DPYD: variants seen among roughly 807,000 people sequenced by gnomAD.
DPYD encodes dihydropyrimidine dehydrogenase.
In DPYD, 109 loss-of-function variants were observed where a neutral mutation model predicts 116.2. That is an observed-to-expected ratio of 0.94 (90% CI 0.80 to 1.10). The LOEUF is 1.10. Ranked by LOEUF, DPYD falls within the 50% of genes least tolerant of loss-of-function variation. DPYD has a pLI of 0.00. For missense variants in DPYD, 1,302 were observed against 1,254.5 expected (o/e 1.04, Z -0.57); for synonymous variants, 440 against 432.0 (o/e 1.02, Z -0.23).
At chr1:97,712,895 G>A (rs71657274) in intron 5 of DPYD, among the ~76,000 whole-genome samples, 1 of 152,014 alleles carries the variant, frequency 6.6e-6, no homozygotes, top group Non-Finnish European at 1.5e-5. Context: ...CTATGAGGTG[G>A]AGCTGAGTCC....
intron 3 of DPYD, among the ~76,000 whole-genome samples, chr1:97,807,845 AT>A (rs1000483131): frequency 8.5e-4 from 129 of 151,276 alleles, no homozygotes; most frequent in African/African-American, 2.8e-3. Context: ...GTGTGTCTAG[AT>A]TTTTTTTTAG....
chr1:97,428,226 G>A (rs761149736), intron 14 of DPYD, among the ~76,000 whole-genome samples: 1 of 152,062 alleles, frequency 6.6e-6, no homozygotes, highest in Non-Finnish European at 1.5e-5. Context: ...TGGTGACACA[G>A]CCATGAAAGG....
chr1:97,754,290 T>G (rs2101108691), intron 3 of DPYD, among the ~76,000 whole-genome samples: 1 of 152,262 alleles, frequency 6.6e-6, no homozygotes, highest in South Asian at 2.1e-4. Context: ...GGACACAATA[T>G]TCAGAAATAA....
intron 20 of DPYD, among the ~76,000 whole-genome samples, chr1:97,104,610 A>G (rs776284998): frequency 1.0e-3 from 155 of 152,200 alleles, no homozygotes; most frequent in Non-Finnish European, 2.1e-3. Flanking sequence ...ACTCTGAAGG[A>G]TAAGGTGAAG....
chr1:97,158,862 A>T (rs1655681273), intron 20 of DPYD, among the ~76,000 whole-genome samples: 1 of 152,142 alleles, frequency 6.6e-6, no homozygotes, highest in Non-Finnish European at 1.5e-5. Context: ...CTAAGATTGA[A>T]ATAACTGTAC....
intron 19 of DPYD, among the ~76,000 whole-genome samples, chr1:97,226,575 T>A (rs954395651): frequency 2.0e-5 from 3 of 152,118 alleles, no homozygotes; most frequent in Admixed American, 1.3e-4. Flanking sequence ...GATGTTTCTA[T>A]AAATTAACAA....
At chr1:97,465,871 C>CAAAATA (rs1677294435) in intron 13 of DPYD, among the ~76,000 whole-genome samples, 1 of 152,086 alleles carries the variant, frequency 6.6e-6, no homozygotes, top group Non-Finnish European at 1.5e-5. Flanking sequence ...TTAACCTCAC[C>CAAAATA]AAAATAAACT....
At chr1:97,899,334 A>G (rs540826040) in intron 1 of DPYD, among the ~76,000 whole-genome samples, 1 of 151,860 alleles carries the variant, frequency 6.6e-6, no homozygotes, top group Non-Finnish European at 1.5e-5. Context: ...GTTGTCACAC[A>G]TCATTTGCTG....
At chr1:97,677,834 A>T (rs1182766761) in intron 8 of DPYD, among the ~76,000 whole-genome samples, 7 of 152,200 alleles carry the variant, frequency 4.6e-5, no homozygotes, top group Non-Finnish European at 8.8e-5. Flanking sequence ...TTAGTAGACA[A>T]AGAAGCATTA....
At chr1:97,759,560 C>G (rs1665459431) in intron 3 of DPYD, among the ~76,000 whole-genome samples, 1 of 152,116 alleles carries the variant, frequency 6.6e-6, no homozygotes. Flanking sequence ...TCTTAGAAGA[C>G]AAGCAAATTT....
intron 18 of DPYD, among the ~76,000 whole-genome samples, chr1:97,238,401 T>C (rs974202528): frequency 5.3e-5 from 8 of 152,166 alleles, no homozygotes; most frequent in African/African-American, 1.9e-4. Context: ...TTATGGGGAA[T>C]AGTTCTTAAG....
At chr1:97,313,417 G>T (rs1441223549) in intron 16 of DPYD, among the ~76,000 whole-genome samples, 1 of 151,756 alleles carries the variant, frequency 6.6e-6, no homozygotes, top group Admixed American at 6.6e-5. Flanking sequence ...CAATCTAGGG[G>T]AGACAAATGC....
At chr1:97,687,633 C>T in intron 7 of DPYD, among the ~76,000 whole-genome samples, 1 of 152,054 alleles carries the variant, frequency 6.6e-6, no homozygotes, top group East Asian at 1.9e-4. Flanking sequence ...TGGGTATATG[C>T]CCAAAGGAAT....
intron 19 of DPYD, among the ~76,000 whole-genome samples, chr1:97,198,167 T>G (rs1190763982): frequency 6.6e-6 from 1 of 152,112 alleles, no homozygotes; most frequent in Non-Finnish European, 1.5e-5. Context: ...TGGAGTGAGA[T>G]CCTGCATTGG....
chr1:97,484,207 A>G (rs1442981023), intron 13 of DPYD, among the ~76,000 whole-genome samples: 3 of 152,170 alleles, frequency 2.0e-5, no homozygotes, highest in Non-Finnish European at 4.4e-5. Flanking sequence ...CAGGAGGCTA[A>G]GTAGGAGAAT....
Position 97,382,383 on chromosome 1 carries a change from T to C in DPYD, c.1974+10A>G, listed in dbSNP as rs774990169. On this transcript the variant is annotated intron_variant, in intron 15 of 22. Transcript: ENST00000370192. Reference sequence around the variant, plus strand: ...GAAATAAAATAAATATATACTAAAGTAACCATTACCTCAGACTTCTTGGCA... The same window carrying C: ...GAAATAAAATAAATATATACTAAAGCAACCATTACCTCAGACTTCTTGGCA... 26 of 1,555,106 alleles carry C rather than the reference T, an allele frequency of 1.7e-5. No homozygotes were observed. In the Admixed American group the frequency reaches 2.9e-4, roughly 17 times the overall value.
At chr1:97,163,586 T>C (rs1312455865) in intron 20 of DPYD, among the ~76,000 whole-genome samples, 1 of 152,088 alleles carries the variant, frequency 6.6e-6, no homozygotes, top group Non-Finnish European at 1.5e-5. Context: ...GCAGGTTTGG[T>C]ATTGGGAGTT....
intron 12 of DPYD, among the ~76,000 whole-genome samples, chr1:97,525,869 TGC>T (rs1237229409): frequency 7.9e-6 from 1 of 126,242 alleles, no homozygotes; most frequent in Admixed American, 8.9e-5. Context: ...ATTAAGAGTG[TGC>T]GTGTGTGTGT....
At chr1:97,624,877 C>A (rs1488523624) in intron 8 of DPYD, among the ~76,000 whole-genome samples, 1 of 151,988 alleles carries the variant, frequency 6.6e-6, no homozygotes, top group Non-Finnish European at 1.5e-5. Flanking sequence ...ACAAGTACTG[C>A]ATGTTCTCAC....
Sources: allele counts gnomAD v4.1 joint callset (sites outside exome capture counted in the v4.1 genomes callset), GRCh38; gene constraint gnomAD v4.1.1; transcripts MANE v1.5; gene names NCBI Gene and HGNC (gene_info 2026-07-23, HGNC 2026-07-21).